The following NHEJ1 variants were observed in gnomAD, a reference collection of about 807,000 sequenced individuals.
NHEJ1 encodes the protein non-homologous end-joining factor 1.
A neutral mutation model predicts 39.4 loss-of-function variants in NHEJ1; 22 were observed. The ratio of observed to expected loss-of-function variants is 0.56; its 90% CI spans 0.40 to 0.80. NHEJ1 has a LOEUF of 0.80. Ranked by LOEUF, NHEJ1 falls within the 30% of genes least tolerant of loss-of-function variation. NHEJ1 has a pLI of 0.00. For missense variants in NHEJ1, 329 were observed against 357.1 expected (o/e 0.92, Z 0.63); for synonymous variants, 154 against 135.6 (o/e 1.14, Z -0.94).
At chr2:219,117,842 A>T (rs566945793) in intron 5 of NHEJ1, among the ~76,000 whole-genome samples, 1 of 152,372 alleles carries the variant, frequency 6.6e-6, no homozygotes, top group East Asian at 1.9e-4. Context: ...GGTTGTGAAG[A>T]TTAACGATAA....
chr2:219,132,539 A>G (rs1446779483), intron 5 of NHEJ1, among the ~76,000 whole-genome samples: 1 of 152,214 alleles, frequency 6.6e-6, no homozygotes, highest in Non-Finnish European at 1.5e-5. Context: ...CTAAGAGAGC[A>G]ATCCATAGCA....
At chr2:219,133,949 G>C (rs559018932) in intron 5 of NHEJ1, among the ~76,000 whole-genome samples, 3 of 152,172 alleles carry the variant, frequency 2.0e-5, no homozygotes, top group African/African-American at 4.8e-5. Flanking sequence ...TTTTCCGCTG[G>C]TTTCTCCTTT....
At chr2:219,103,221 A>C (rs1949282289) in intron 5 of NHEJ1, among the ~76,000 whole-genome samples, 1 of 151,078 alleles carries the variant, frequency 6.6e-6, no homozygotes, top group African/African-American at 2.4e-5. Context: ...TATATGCATA[A>C]ACATTGAACC....
intron 5 of NHEJ1, among the ~76,000 whole-genome samples, chr2:219,131,148 G>A (rs1177032093): frequency 6.6e-6 from 1 of 152,106 alleles, no homozygotes; most frequent in African/African-American, 2.4e-5. Context: ...TGTTAGAGGA[G>A]CCCCCAGCAT....
At chr2:219,091,380 T>C (rs1949158562) in intron 5 of NHEJ1, among the ~76,000 whole-genome samples, 3 of 152,082 alleles carry the variant, frequency 2.0e-5, no homozygotes, top group Non-Finnish European at 4.4e-5. Flanking sequence ...AAGCTATTTC[T>C]ATCAGCATTC....
rs1371963857 is a variant in NHEJ1, at chr2:219,070,960, C to T, written c.*5421G>A. ...CTCTGCCTTCCACAACTAGTGCCTC[C>T]CCATTCCTCTCACGTGACAGGACGC... On this transcript the variant is annotated 3_prime_UTR_variant, in exon 8 of 8. Coordinates refer to ENST00000356853, the MANE Select transcript of NHEJ1 (RefSeq NM_024782.3). 1.3e-5 allele frequency among the ~76,000 whole-genome samples: 2 copies of T among 152,160 alleles called. No individual in the cohort carries two copies. The highest frequency in any genetic ancestry group is 2.9e-5 in the Non-Finnish European group (2 of 68,040).
intron 3 of NHEJ1, among the ~76,000 whole-genome samples, chr2:219,149,959 CCT>C (rs1259036730): frequency 6.6e-6 from 1 of 152,208 alleles, no homozygotes; most frequent in African/African-American, 2.4e-5. Context: ...TATGCCAACC[CCT>C]GTCCTAGACC....
chr2:219,132,454 T>C (rs1949587735), intron 5 of NHEJ1, among the ~76,000 whole-genome samples: 1 of 152,320 alleles, frequency 6.6e-6, no homozygotes, highest in Admixed American at 6.5e-5. Flanking sequence ...AGCAGTATTA[T>C]CCCATCTCAA....
chr2:219,080,321 C>T (rs780268501), intron 5 of NHEJ1, among the ~76,000 whole-genome samples: 12 of 151,844 alleles, frequency 7.9e-5, no homozygotes, highest in East Asian at 7.8e-4. Context: ...CGGATCACAA[C>T]GTCAGGAGAA....
intron 5 of NHEJ1, among the ~76,000 whole-genome samples, chr2:219,102,205 A>G (rs1047563226): frequency 6.6e-6 from 1 of 152,214 alleles, no homozygotes; most frequent in South Asian, 2.1e-4. Context: ...ATTAAAGGAT[A>G]TATTTGACAC....
intron 5 of NHEJ1, among the ~76,000 whole-genome samples, chr2:219,126,392 T>C (rs1170657425): frequency 6.6e-6 from 1 of 152,244 alleles, no homozygotes; most frequent in Non-Finnish European, 1.5e-5. Flanking sequence ...CCTAGTGGGC[T>C]TTCAAAACAA....
At chr2:219,144,592 ATGT>A (rs1949718994) in intron 5 of NHEJ1, among the ~76,000 whole-genome samples, 1 of 152,150 alleles carries the variant, frequency 6.6e-6, no homozygotes, top group African/African-American at 2.4e-5. Flanking sequence ...CATGGGAAGA[ATGT>A]GTATCTAAAG....
chr2:219,103,764 G>A (rs188617975), intron 5 of NHEJ1, among the ~76,000 whole-genome samples: 1 of 152,112 alleles, frequency 6.6e-6, no homozygotes, highest in Non-Finnish European at 1.5e-5. Context: ...AAAATAAACT[G>A]GAGCCAGGTA....
chr2:219,104,709 A>C (rs529641290), intron 5 of NHEJ1, among the ~76,000 whole-genome samples: 2,397 of 151,086 alleles, frequency 0.016, 26 homozygotes, highest in Middle Eastern at 0.034. Context: ...GCACCCCCCC[A>C]CACACACAAA....
chr2:219,071,883 G>C lies in NHEJ1; in HGVS notation c.*4498C>G, dbSNP rs1948960472. ...GGCTCCAAATAGAGAAACTGAGTGG[G>C]GTGGGACTTAATAGCTCAGAAGAGT... On this transcript the variant is annotated 3_prime_UTR_variant, in exon 8 of 8. Transcript: ENST00000356853. 6.6e-6 allele frequency among the ~76,000 whole-genome samples: 1 copy of C among 152,142 alleles called. No homozygotes were observed. Among genetic ancestry groups the C allele is most frequent in the Non-Finnish European group, 1.5e-5 (1 of 68,048 alleles).
At chr2:219,154,174 G>T (rs1355120613) in intron 3 of NHEJ1, among the ~76,000 whole-genome samples, 2 of 151,790 alleles carry the variant, frequency 1.3e-5, no homozygotes, top group Non-Finnish European at 2.9e-5. Flanking sequence ...TTTTTTTTAA[G>T]GCTCATCAAG....
intron 5 of NHEJ1, among the ~76,000 whole-genome samples, chr2:219,133,433 A>T (rs1221707775): frequency 6.6e-6 from 1 of 152,230 alleles, no homozygotes; most frequent in Non-Finnish European, 1.5e-5. Flanking sequence ...ACAACCAGGT[A>T]CCTCCTGTCT....
At chr2:219,139,595 C>G (rs1337613584) in intron 5 of NHEJ1, among the ~76,000 whole-genome samples, 1 of 152,228 alleles carries the variant, frequency 6.6e-6, no homozygotes, top group African/African-American at 2.4e-5. Flanking sequence ...CAGAATCACA[C>G]CCACTAAGCT....
chr2:219,109,880 T>C (rs1167116329), intron 5 of NHEJ1, among the ~76,000 whole-genome samples: 2 of 152,194 alleles, frequency 1.3e-5, no homozygotes, highest in South Asian at 2.1e-4. Flanking sequence ...AACGACAGTA[T>C]ATTATGCAAT....
Sources: allele counts gnomAD v4.1 joint callset (sites outside exome capture counted in the v4.1 genomes callset), GRCh38; gene constraint gnomAD v4.1.1; transcripts MANE v1.5; gene names NCBI Gene and HGNC (gene_info 2026-07-23, HGNC 2026-07-21).